The following LHX3 variants were observed in gnomAD, a reference collection of about 807,000 sequenced individuals.
LHX3 encodes LIM/homeobox protein Lhx3.
Under a neutral mutation model 32.4 loss-of-function variants are expected in LHX3, and 21 were observed. The observed-to-expected ratio is 0.65, with a 90% confidence interval of 0.46 to 0.93. LHX3 has a LOEUF of 0.93. LHX3 is among the 40% of genes least tolerant of loss of function. LHX3 has a pLI of 0.00. For missense variants in LHX3, 626 were observed against 560.0 expected, an observed-to-expected ratio of 1.12 and a Z score of -1.19; for synonymous variants, 258 against 246.8, an observed-to-expected ratio of 1.05 and a Z score of -0.43.
chr9:136,200,866 G>T, intron 1 of LHX3, 113 bp from the exon 2 acceptor site: 1 of 1,264,640 alleles, frequency 7.9e-7, no homozygotes, highest in Non-Finnish European at 1.1e-6. Context: ...CAGGGCTGCC[G>T]AGGGGTCCTC....
chr9:136,201,161 T>C (rs1831631413), intron 1 of LHX3: 1 of 1,370,840 alleles, frequency 7.3e-7, no homozygotes, highest in Non-Finnish European at 9.4e-7. Context: ...GTCTTCACCA[T>C]CACCTGGAGC....
Position 136,197,333 on chromosome 9 carries a change from G to A in LHX3, c.1186C>T (p.Gln396Ter). 1 of 1,611,936 alleles carries A rather than the reference G, an allele frequency of 6.2e-7. No individual in the cohort carries two copies. The highest frequency in any genetic ancestry group is 8.5e-7 in the Non-Finnish European group (1 of 1,179,918). ...ASWLDEVDHAQF is the reference protein window; with the variant it reads ...ASWLDEVDHA ...GTGGAGCCGGGCCTGGGTCAGAACTGAGCGTGGTCTACCTCATCCAGCCAG... is the reference window on the plus strand; with the variant it reads ...GTGGAGCCGGGCCTGGGTCAGAACTAAGCGTGGTCTACCTCATCCAGCCAG... Residue 396 changes from glutamine to a stop codon, truncating the protein, a stop_gained, in exon 6 of 6, where the codon CAG becomes TAG. Coordinates refer to ENST00000371748, the MANE Select transcript of LHX3 (RefSeq NM_178138.6). LOFTEE classifies it high-confidence loss of function.
rs1006064285 is a variant in LHX3 at position 136,199,078 on chromosome 9, G to C, written c.455-19C>G. The C allele has an allele frequency of 4.1e-6, 6 of 1,452,036 alleles. No individual in the cohort carries two copies. In the African/African-American group the frequency reaches 8.8e-5, roughly 21 times the overall value. 89.9% of individuals were successfully genotyped at this position (1,452,036 alleles called of 1,614,324 possible). A position where few individuals can be genotyped will look rare whatever the true frequency, so the allele number is the denominator to read the frequency against. ...TCGGCCTCTGCGCGGCGGGCGAGCGGTGAGGCGCGGCAGCCCCTCCGGCCC... is the reference window on the plus strand; with the variant it reads ...TCGGCCTCTGCGCGGCGGGCGAGCGCTGAGGCGCGGCAGCCCCTCCGGCCC... On this transcript the variant is annotated intron_variant, in intron 3 of 5. Transcript: ENST00000371748.
chr9:136,198,981 G>A lies in LHX3; in HGVS notation c.533C>T (p.Thr178Ile). 6.3e-7 allele frequency: 1 copy of A among 1,594,276 alleles called. No individual in the cohort carries two copies. Among genetic ancestry groups the A allele is most frequent in the Non-Finnish European group, 8.5e-7 (1 of 1,174,152 alleles). The change falls in exon 4 of 6, where the codon ACC becomes ATC. Residue 178 changes from threonine (T) to isoleucine (I), a missense_variant. Thr to Ile is a moderately conservative substitution (Grantham distance 89). Transcript: ENST00000371748. Reference sequence around the variant, plus strand: ...CACGTGGCGCGCCGGCTTGGGCGAGGTGTTGTAAGCGCTCTTCAGCGTCTC... The same window carrying A: ...CACGTGGCGCGCCGGCTTGGGCGAGATGTTGTAAGCGCTCTTCAGCGTCTC... ...QLETLKSAYN[T>I]SPKPARHVRE...
At position 136,199,052 on chromosome 9, in the gene LHX3, C is replaced by A; in HGVS notation, c.462G>T (p.Glu154Asp). 1 of 1,548,520 alleles carries A rather than the reference C, an allele frequency of 6.5e-7. No individual in the cohort carries two copies. ...DYETAKQREA[E>D]ATAKRPRTTI... Reference sequence around the variant, plus strand: ...TCGTGCGCGGCCGCTTGGCCGTGGCCTCGGCCTCTGCGCGGCGGGCGAGCG... The same window carrying A: ...TCGTGCGCGGCCGCTTGGCCGTGGCATCGGCCTCTGCGCGGCGGGCGAGCG... Residue 154 changes from glutamate to aspartate, a missense_variant, in exon 4 of 6, where the codon GAG becomes GAT. By Grantham distance (45) the Glu-to-Asp change is conservative. Transcript: ENST00000371748.
Position 136,200,744 on chromosome 9 carries a change from A to G in LHX3, c.89T>C (p.Leu30Pro), listed in dbSNP as rs774895093. 6.2e-7 allele frequency: 1 copy of G among 1,613,408 alleles called. No homozygotes were observed. The highest frequency in any genetic ancestry group is 1.1e-5 in the South Asian group (1 of 91,080). Residue 30 changes from leucine to proline, a missense_variant, in exon 2 of 6, where the codon CTG becomes CCG. By Grantham distance (98) the Leu-to-Pro change is moderately conservative. Transcript: ENST00000371748. ...GATGTGCTGGTCACAGCCAGCGCAC[A>G]GCGGGATCTCTGTGGGCACGAGGAA... ...CTLGGTREIPLCAGCDQHILD... is the reference protein window; with the variant it reads ...CTLGGTREIPPCAGCDQHILD...
chr9:136,202,332 C>CG (rs1211022646), intron 1 of LHX3, among the ~76,000 whole-genome samples: 2 of 152,052 alleles, frequency 1.3e-5, no homozygotes, highest in Admixed American at 6.5e-5. Flanking sequence ...CCAGCTGGCC[C>CG]GGGAGTCGAG....
intron 1 of LHX3, among the ~76,000 whole-genome samples, chr9:136,203,522 T>C (rs891673580): frequency 3.3e-5 from 5 of 152,142 alleles, no homozygotes; most frequent in Non-Finnish European, 5.9e-5. Flanking sequence ...CCGCTGAGGT[T>C]TGGCCTCGGG....
intron 1 of LHX3, chr9:136,201,273 G>A: frequency 7.8e-7 from 1 of 1,275,920 alleles, no homozygotes; most frequent in Non-Finnish European, 9.9e-7. Flanking sequence ...CTGTCTGCAG[G>A]CCTCCGGGGT....
intron 4 of LHX3, 36 bp downstream of exon 4, chr9:136,198,872 G>T: frequency 6.3e-7 from 1 of 1,592,556 alleles, no homozygotes. Flanking sequence ...GGCCCCCAAG[G>T]CCGCGGGCGG....
intron 3 of LHX3, 48 bp downstream of exon 3, chr9:136,199,630 C>T (rs1831587491): frequency 6.3e-7 from 1 of 1,599,540 alleles, no homozygotes; most frequent in Non-Finnish European, 8.6e-7. Context: ...GCCTCAGCCC[C>T]ATTTTTTTCA....
intron 1 of LHX3, 70 bp from the exon 2 acceptor site, chr9:136,200,823 C>G: frequency 1.9e-6 from 3 of 1,568,356 alleles, no homozygotes; most frequent in Non-Finnish European, 2.6e-6. Context: ...CCCACCCCAA[C>G]GCGAGCCAGT....
chr9:136,204,902 G>A (rs766180479), intron 1 of LHX3, 32 bp downstream of exon 1: 63 of 1,565,832 alleles, frequency 4.0e-5, no homozygotes, highest in Non-Finnish European at 5.0e-5. Context: ...CGCCCTTGCC[G>A]TTTCTGTCCT....
intron 1 of LHX3, chr9:136,201,058 C>T: frequency 5.0e-6 from 6 of 1,199,876 alleles, no homozygotes; most frequent in Non-Finnish European, 6.8e-6. Context: ...AAAATGTTGC[C>T]AGTGCCAAGA....
chr9:136,201,996 G>T (rs952585565), intron 1 of LHX3, among the ~76,000 whole-genome samples: 7 of 151,738 alleles, frequency 4.6e-5, no homozygotes, highest in African/African-American at 1.7e-4. Context: ...CCCACCCCGC[G>T]CCGCGCCCGC....
At chr9:136,202,703 C>T (rs1831674158) in intron 1 of LHX3, among the ~76,000 whole-genome samples, 1 of 152,170 alleles carries the variant, frequency 6.6e-6, no homozygotes, top group African/African-American at 2.4e-5. Context: ...TAAGCCCACC[C>T]TGGACCCCCG....
chr9:136,197,666 G>A lies in LHX3; in HGVS notation c.853C>T (p.Arg285Trp), dbSNP rs1175810552. The A allele has an allele frequency of 1.2e-6, 2 of 1,603,468 alleles. No individual in the cohort carries two copies. Among genetic ancestry groups the A allele is most frequent in the Non-Finnish European group, 1.7e-6 (2 of 1,177,452 alleles). The change falls in exon 6 of 6, where the codon CGG (arginine) becomes TGG (tryptophan). Residue 285 changes from arginine to tryptophan, a missense_variant. Arg to Trp is a moderately radical substitution (Grantham distance 101). Transcript: ENST00000371748. ...SLGEPTQALG[R>W]PSGALGNFSL... ...AAGTTGCCCAGGGCTCCCGAGGGCC[G>A]GCCCAAGGCCTGGGTGGGTTCCCCC...
intron 3 of LHX3, 151 bp from the exon 4 acceptor site, chr9:136,199,210 G>A: frequency 2.3e-6 from 1 of 442,190 alleles, no homozygotes; most frequent in East Asian, 4.4e-5. Flanking sequence ...CGGGCGCTGG[G>A]AGCGATTGGC....
Position 136,197,395 on chromosome 9 carries a change from C to T in LHX3, c.1124G>A (p.Ser375Asn), listed in dbSNP as rs1375682276. 2 of 1,610,934 alleles carry T rather than the reference C, an allele frequency of 1.2e-6. No individual in the cohort carries two copies. Among genetic ancestry groups the T allele is most frequent in the Non-Finnish European group, 1.7e-6 (2 of 1,179,430 alleles). ...GPSSDLSTGS[S>N]GGYPDFPASP... ...GGCAGGGAAGTCGGGGTAACCCCCG[C>T]TGCTCCCCGTGGATAGGTCAGAACT... Residue 375 changes from serine to asparagine, a missense_variant, in exon 6 of 6, where the codon AGC (serine) becomes AAC (asparagine). Physicochemically the swap from Ser to Asn is conservative, Grantham distance 46. Coordinates refer to ENST00000371748, the MANE Select transcript of LHX3 (RefSeq NM_178138.6).
Sources: allele counts gnomAD v4.1 joint callset (sites outside exome capture counted in the v4.1 genomes callset), GRCh38; gene constraint gnomAD v4.1.1; transcripts MANE v1.5; gene names NCBI Gene and HGNC (gene_info 2026-07-23, HGNC 2026-07-21).